The following CCBE1 variants were observed in gnomAD, a reference collection of about 807,000 sequenced individuals.
The protein encoded by CCBE1 is collagen and calcium binding EGF domains 1, also known as collagen and calcium-binding EGF domain-containing protein 1.
Under a neutral mutation model 50.0 loss-of-function variants are expected in CCBE1, and 37 were observed. That is an observed-to-expected ratio of 0.74 (90% confidence interval 0.57 to 0.97). The LOEUF is 0.97. Ranked by LOEUF, CCBE1 falls within the 50% of genes least tolerant of loss-of-function variation. CCBE1 has a pLI of 0.00. For missense variants in CCBE1, 538 were observed against 523.8 expected, an observed-to-expected ratio of 1.03 and a Z score of -0.26; for synonymous variants, 234 against 203.7, an observed-to-expected ratio of 1.15 and a Z score of -1.27.
intron 5 of CCBE1, chr18:59,465,495 A>G (rs1911699613): frequency 6.6e-6 from 1 of 152,156 alleles, no homozygotes; most frequent in Non-Finnish European, 1.5e-5. Flanking sequence ...ACATAATGTA[A>G]ATCAGCTTCT....
At chr18:59,523,434 G>A (rs1016537932) in intron 2 of CCBE1, among the ~76,000 whole-genome samples, 1 of 151,472 alleles carries the variant, frequency 6.6e-6, no homozygotes, top group East Asian at 1.9e-4. Context: ...TAATCTTTCT[G>A]TATCTCAATT....
Position 59,522,884 on chromosome 18 carries a change from C to T in CCBE1, c.213-42646G>A, listed in dbSNP as rs144881251. ...GCGGGCGCCTGTAGTCCCAGCTACT[C>T]GGGAGGCTGCAGGAGGAGAGTGGTG... On this transcript the variant is annotated intron_variant, in intron 2 of 10. Transcript: ENST00000439986. Among the ~76,000 whole-genome samples the T allele has an allele frequency of 5.9e-3, 887 of 149,676 alleles. 5 individuals are homozygous for T. The highest frequency in any genetic ancestry group is 0.02 in the African/African-American group (828 of 40,688).
At chr18:59,625,430 C>CAAAAAAAAAAAAAAAAAAAAAAA (rs750324482) in intron 2 of CCBE1, among the ~76,000 whole-genome samples, 1 of 69,920 alleles carries the variant, frequency 1.4e-5, no homozygotes, top group African/African-American at 6.1e-5. Flanking sequence ...GATTCTGTCT[C>CAAAAAAAAAAAAAAAAAAAAAAA]AAAAAAAAAA....
intron 9 of CCBE1, among the ~76,000 whole-genome samples, chr18:59,439,105 T>C (rs1055072913): frequency 1.3e-5 from 2 of 151,986 alleles, no homozygotes; most frequent in East Asian, 1.9e-4. Context: ...GCTAACACGA[T>C]GAAACCCTGT....
intron 2 of CCBE1, among the ~76,000 whole-genome samples, chr18:59,661,771 C>A (rs938235994): frequency 3.9e-5 from 6 of 152,132 alleles, no homozygotes; most frequent in African/African-American, 1.4e-4. Flanking sequence ...AGTTCAAGAC[C>A]AGTCTGGCCA....
intron 2 of CCBE1, among the ~76,000 whole-genome samples, chr18:59,491,588 CGGA>C (rs777022950): frequency 0.093 from 14,115 of 152,204 alleles, 853 homozygotes; most frequent in Middle Eastern, 0.19. Flanking sequence ...CCAAGGCGGG[CGGA>C]TCACCTGAGC....
At chr18:59,533,787 T>C (rs1427863600) in intron 2 of CCBE1, among the ~76,000 whole-genome samples, 1 of 152,228 alleles carries the variant, frequency 6.6e-6, no homozygotes, top group East Asian at 1.9e-4. Context: ...AAGATCATCT[T>C]GGTTGTGATA....
intron 2 of CCBE1, among the ~76,000 whole-genome samples, chr18:59,662,867 A>G (rs2054303623): frequency 6.6e-6 from 1 of 152,254 alleles, no homozygotes; most frequent in African/African-American, 2.4e-5. Context: ...AGTCCCAGCT[A>G]CTTGAGAGGC....
At chr18:59,537,409 C>CG (rs1915293858) in intron 2 of CCBE1, among the ~76,000 whole-genome samples, 1 of 152,064 alleles carries the variant, frequency 6.6e-6, no homozygotes, top group South Asian at 2.1e-4. Context: ...AATTGAATCA[C>CG]GGGGGCAGTT....
intron 2 of CCBE1, among the ~76,000 whole-genome samples, chr18:59,688,783 C>A (rs1167568386): frequency 6.6e-6 from 1 of 152,146 alleles, no homozygotes; most frequent in Non-Finnish European, 1.5e-5. Flanking sequence ...AACCAAGTGA[C>A]AACTAAAGAT....
At chr18:59,445,379 T>A (rs2143640424) in intron 7 of CCBE1, among the ~76,000 whole-genome samples, 1 of 152,296 alleles carries the variant, frequency 6.6e-6, no homozygotes, top group South Asian at 2.1e-4. Context: ...AGTAAATGTT[T>A]TTTACTAAGT....
chr18:59,543,084 C>A (rs1173818464), intron 2 of CCBE1, among the ~76,000 whole-genome samples: 1 of 152,180 alleles, frequency 6.6e-6, no homozygotes, highest in South Asian at 2.1e-4. Context: ...TCTCGGGAAG[C>A]CTTGGATTGC....
At position 59,549,759 on chromosome 18, in the gene CCBE1, A is replaced by G. The variant is rs567646778; in HGVS notation, c.213-69521T>C. ...AAAATTTGTGGACAACAAAGCACTT[A>G]TAATCTACAGCTGCTATCCACATTG... On this transcript the variant is annotated intron_variant, in intron 2 of 10. Transcript: ENST00000439986. Among the ~76,000 whole-genome samples the G allele has an allele frequency of 4.6e-5, 7 of 152,360 alleles. No homozygotes were observed. In the South Asian group the frequency reaches 1.4e-3, roughly 32 times the overall value.
At chr18:59,487,561 G>A (rs1362086942) in intron 2 of CCBE1, among the ~76,000 whole-genome samples, 1 of 152,028 alleles carries the variant, frequency 6.6e-6, no homozygotes, top group Admixed American at 6.6e-5. Flanking sequence ...CCAGGCAAAC[G>A]TTAAGAGTAT....
chr18:59,641,269 A>G (rs2053985823), intron 2 of CCBE1, among the ~76,000 whole-genome samples: 1 of 152,174 alleles, frequency 6.6e-6, no homozygotes. Flanking sequence ...ATAGAATACT[A>G]CATAGCTATA....
chr18:59,470,838 C>T (rs999434551), intron 3 of CCBE1, among the ~76,000 whole-genome samples: 5 of 152,106 alleles, frequency 3.3e-5, no homozygotes, highest in Non-Finnish European at 7.4e-5. Flanking sequence ...TGAAGGTGAA[C>T]GGGTGGGCTG....
intron 2 of CCBE1, among the ~76,000 whole-genome samples, chr18:59,620,260 G>A (rs1416138726): frequency 6.6e-6 from 1 of 152,118 alleles, no homozygotes; most frequent in East Asian, 1.9e-4. Context: ...CCAGTGGGGG[G>A]AGAGATTACC....
chr18:59,696,170 T>TCC (rs1186367776), intron 2 of CCBE1, among the ~76,000 whole-genome samples: 1 of 151,906 alleles, frequency 6.6e-6, no homozygotes, highest in African/African-American at 2.4e-5. Context: ...CTCACAATCC[T>TCC]CCCCCTACTT....
At chr18:59,515,208 C>T (rs141112711) in intron 2 of CCBE1, among the ~76,000 whole-genome samples, 249 of 152,288 alleles carry the variant, frequency 1.6e-3, no homozygotes, top group Middle Eastern at 3.4e-3. Flanking sequence ...TTGCGCTGAG[C>T]CACACATCTG....
Sources: gnomAD v4.1 joint callset for allele counts (sites outside exome capture counted in the v4.1 genomes callset) on GRCh38, gnomAD v4.1.1 for gene constraint, MANE v1.5 for transcripts, NCBI Gene and HGNC (gene_info 2026-07-23, HGNC 2026-07-21) for gene names.